ASTN1: variants seen among roughly 807,000 people sequenced by gnomAD.
ASTN1 encodes astrotactin-1.
In ASTN1, 41 loss-of-function variants were observed where a neutral mutation model predicts 140.7. The observed-to-expected ratio is 0.29, with a 90% CI of 0.23 to 0.38. The LOEUF (loss-of-function observed/expected upper bound fraction) is 0.38. Among genes scored for constraint, ASTN1 ranks in the 10% least tolerant of loss-of-function variants. The pLI, the probability that ASTN1 is intolerant of heterozygous loss-of-function variation, is 1.00. For synonymous variants in ASTN1, 640 were observed against 652.2 expected (o/e 0.98, Z 0.29); for missense variants, 1,479 against 1,678.8 (o/e 0.88, Z 2.08).
intron 16 of ASTN1, among the ~76,000 whole-genome samples, chr1:176,899,244 G>A (rs1369410579): frequency 2.6e-5 from 4 of 152,150 alleles, no homozygotes; most frequent in Admixed American, 6.5e-5. Context: ...AGAATATCGC[G>A]TCCTTAAAGC....
chr1:177,013,362 C>T (rs927605337), intron 8 of ASTN1, among the ~76,000 whole-genome samples: 1 of 152,218 alleles, frequency 6.6e-6, no homozygotes, highest in Non-Finnish European at 1.5e-5. Context: ...TGTTCCAGAA[C>T]ATTTGCCCTC....
At chr1:176,997,463 A>C (rs929970637) in intron 8 of ASTN1, among the ~76,000 whole-genome samples, 5 of 152,060 alleles carry the variant, frequency 3.3e-5, no homozygotes, top group African/African-American at 1.2e-4. Context: ...TGTGAGGATC[A>C]AATAGGGTGT....
At chr1:177,064,874 C>T (rs1434666095) in intron 1 of ASTN1, among the ~76,000 whole-genome samples, 1 of 152,184 alleles carries the variant, frequency 6.6e-6, no homozygotes, top group Non-Finnish European at 1.5e-5. Flanking sequence ...CCTGGGCCAA[C>T]CAATGAAAAA....
At chr1:177,109,448 A>C (rs28496599) in intron 1 of ASTN1, among the ~76,000 whole-genome samples, 2 of 152,120 alleles carry the variant, frequency 1.3e-5, no homozygotes, top group African/African-American at 2.4e-5. Context: ...ACAGAGAGAG[A>C]GAGAGAGGGA....
intron 8 of ASTN1, among the ~76,000 whole-genome samples, chr1:176,974,240 T>A (rs1386469268): frequency 2.0e-5 from 3 of 152,310 alleles, no homozygotes; most frequent in Admixed American, 2.0e-4. Flanking sequence ...AATAATATTA[T>A]CTACCTCATC....
Position 177,026,411 on chromosome 1 carries a change from T to G in ASTN1, c.1121-1679A>C, listed in dbSNP as rs544363417. ...GCCAATGGCACTGCCACACATTTGGTTGCTCAAATTTAAAAACTCCATTAT... is the reference window on the plus strand; with the variant it reads ...GCCAATGGCACTGCCACACATTTGGGTGCTCAAATTTAAAAACTCCATTAT... On this transcript the variant is annotated intron_variant, in intron 5 of 22. Transcript: ENST00000361833. Among the ~76,000 whole-genome samples, 5 of 152,206 alleles carry G rather than the reference T, an allele frequency of 3.3e-5. No homozygotes were observed. In the East Asian group the frequency reaches 9.7e-4, roughly 29 times the overall value.
At chr1:177,025,491 G>A (rs538929722) in intron 5 of ASTN1, among the ~76,000 whole-genome samples, 1 of 148,654 alleles carries the variant, frequency 6.7e-6, no homozygotes, top group East Asian at 2.0e-4. Flanking sequence ...TTTTCCTGTT[G>A]GGGAGAAGAC....
intron 1 of ASTN1, among the ~76,000 whole-genome samples, chr1:177,095,387 C>T (rs1286908197): frequency 6.6e-6 from 1 of 152,036 alleles, no homozygotes; most frequent in Non-Finnish European, 1.5e-5. Flanking sequence ...AAGAATGACC[C>T]CAAAGGCATT....
At position 176,884,616 on chromosome 1, in the gene ASTN1, G is replaced by T; in HGVS notation, c.3075-126C>A. 5 of 1,040,554 alleles carry T rather than the reference G, an allele frequency of 4.8e-6. No individual in the cohort carries two copies. The East Asian group carries it at 9.9e-5, about 21-fold the overall frequency. 64.5% of individuals were successfully genotyped at this position (1,040,554 alleles called of 1,614,324 possible). On this transcript the variant is annotated intron_variant, in intron 18 of 22. Transcript: ENST00000361833. Reference sequence around the variant, plus strand: ...CCAACTACAAAAATGATCTCTTTGAGGGCCTGTCTCTTTCAAAAGATAGTA... The same window carrying T: ...CCAACTACAAAAATGATCTCTTTGATGGCCTGTCTCTTTCAAAAGATAGTA...
intron 1 of ASTN1, among the ~76,000 whole-genome samples, chr1:177,083,883 G>A (rs893286035): frequency 4.6e-5 from 7 of 152,108 alleles, no homozygotes; most frequent in South Asian, 2.1e-4. Flanking sequence ...GAGAGTCAGA[G>A]GTCTCTAGGG....
intron 16 of ASTN1, among the ~76,000 whole-genome samples, chr1:176,922,901 G>A (rs1451028467): frequency 6.6e-6 from 1 of 152,076 alleles, no homozygotes; most frequent in Non-Finnish European, 1.5e-5. Context: ...AATAATAATA[G>A]TAATGTAGTA....
chr1:177,008,001 G>C (rs1256520402), intron 8 of ASTN1, among the ~76,000 whole-genome samples: 1 of 152,132 alleles, frequency 6.6e-6, no homozygotes, highest in East Asian at 1.9e-4. Flanking sequence ...TGACCACAAG[G>C]GTTTTGTGAA....
intron 7 of ASTN1, among the ~76,000 whole-genome samples, chr1:177,022,819 T>C (rs895098794): frequency 1.3e-5 from 2 of 152,182 alleles, no homozygotes; most frequent in African/African-American, 2.4e-5. Context: ...GAATACCAAA[T>C]GGCCATTAAA....
chr1:176,903,586 G>T lies in ASTN1; in HGVS notation c.2672-8756C>A, dbSNP rs147995425. ...TTATACCTACATTTTGAAACCTTTCGTATGGCAATTTTAAGTGTACTTGAT... is the reference window on the plus strand; with the variant it reads ...TTATACCTACATTTTGAAACCTTTCTTATGGCAATTTTAAGTGTACTTGAT... On this transcript the variant is annotated intron_variant, in intron 16 of 22. Transcript: ENST00000361833. 7.5e-3 allele frequency among the ~76,000 whole-genome samples: 1,144 copies of T among 152,218 alleles called. 17 individuals carry two copies. The highest frequency in any genetic ancestry group is 0.026 in the African/African-American group (1,066 of 41,516).
chr1:176,862,043 A>C lies in ASTN1; in HGVS notation c.*2241T>G. On this transcript the variant is annotated 3_prime_UTR_variant, in exon 23 of 23. Coordinates refer to ENST00000361833, the MANE Select transcript of ASTN1 (RefSeq NM_004319.3). ...AAACACCGTGTTCTGCACAGATATG[A>C]ATAGAAGGATGGCAAAACAGTAGCA... 10 of 985,408 alleles carry C rather than the reference A, an allele frequency of 1.0e-5. No individual in the cohort carries two copies. Among genetic ancestry groups the C allele is most frequent in the Non-Finnish European group, 1.1e-5 (9 of 829,938 alleles). 61.0% of individuals were successfully genotyped at this position (985,408 alleles called of 1,614,324 possible).
rs541252537 is a variant in ASTN1, at chr1:177,111,515, T to C, written c.284-50250A>G. On this transcript the variant is annotated intron_variant, in intron 1 of 22. Coordinates refer to ENST00000361833, the MANE Select transcript of ASTN1 (RefSeq NM_004319.3). ...CAAAGACCACTCTTAAGAGTAGAAATCACTTATTTACTTACAAACGAAGCC... is the reference window on the plus strand; with the variant it reads ...CAAAGACCACTCTTAAGAGTAGAAACCACTTATTTACTTACAAACGAAGCC... Among the ~76,000 whole-genome samples, 93 of 152,276 alleles carry C rather than the reference T, an allele frequency of 6.1e-4. 2 individuals carry two copies. Among genetic ancestry groups the C allele is most frequent in the African/African-American group, 2.2e-3 (91 of 41,568 alleles).
chr1:176,968,606 C>A (rs1222110003), intron 8 of ASTN1, among the ~76,000 whole-genome samples: 3 of 152,132 alleles, frequency 2.0e-5, no homozygotes, highest in Non-Finnish European at 2.9e-5. Context: ...CAAAATTGCA[C>A]CAGCAAAGGA....
At chr1:177,130,443 C>A (rs1300256180) in intron 1 of ASTN1, among the ~76,000 whole-genome samples, 1 of 152,142 alleles carries the variant, frequency 6.6e-6, no homozygotes, top group Non-Finnish European at 1.5e-5. Context: ...GGTGGCATGG[C>A]ACCTACCTAA....
chr1:176,875,562 C>T (rs1480733792), intron 21 of ASTN1, among the ~76,000 whole-genome samples: 1 of 151,942 alleles, frequency 6.6e-6, no homozygotes, highest in African/African-American at 2.4e-5. Context: ...TCACTCTTTC[C>T]CCTGTGATTT....
Sources: allele counts gnomAD v4.1 joint callset (sites outside exome capture counted in the v4.1 genomes callset), GRCh38; gene constraint gnomAD v4.1.1; transcripts MANE v1.5; gene names NCBI Gene and HGNC (gene_info 2026-07-23, HGNC 2026-07-21).